The following RUFY1 variants were observed in gnomAD, a reference collection of about 807,000 sequenced individuals.
The protein encoded by RUFY1 is RUN and FYVE domain containing 1.
In RUFY1, 54 loss-of-function variants were observed where a neutral mutation model predicts 94.6. The observed-to-expected ratio is 0.57, with a 90% confidence interval of 0.46 to 0.72. RUFY1 has a LOEUF of 0.72. Ranked by LOEUF, RUFY1 falls within the 30% of genes least tolerant of loss-of-function variation. The pLI is 0.00. For synonymous variants in RUFY1, 396 were observed against 347.3 expected, an observed-to-expected ratio of 1.14 and a Z score of -1.56; for missense variants, 883 against 883.9, an observed-to-expected ratio of 1.00 and a Z score of 0.01.
At chr5:179,566,709 T>C (rs964508885) in intron 3 of RUFY1, among the ~76,000 whole-genome samples, 16 of 151,980 alleles carry the variant, frequency 1.1e-4, no homozygotes, top group African/African-American at 3.9e-4. Context: ...ATGGTTAACA[T>C]GGTAAATTTT....
At chr5:179,584,818 TG>T (rs1764468636) in intron 7 of RUFY1, among the ~76,000 whole-genome samples, 1 of 151,936 alleles carries the variant, frequency 6.6e-6, no homozygotes. Context: ...ATTTTTTAAA[TG>T]GGGAAGGTGT....
At chr5:179,583,506 T>C (rs1164899877) in intron 7 of RUFY1, among the ~76,000 whole-genome samples, 2 of 148,044 alleles carry the variant, frequency 1.4e-5, no homozygotes, top group Non-Finnish European at 3.0e-5. Flanking sequence ...AAGCTCCGCC[T>C]CCCAGGTTCA....
intron 14 of RUFY1, 48 bp from the exon 15 acceptor site, chr5:179,601,830 AAAAAAAAAAAAAAG>A: frequency 9.7e-7 from 1 of 1,027,600 alleles, no homozygotes; most frequent in Non-Finnish European, 1.4e-6. Context: ...AAAAAAAAAA[AAAAAAAAAAAAAAG>A]GACCGTGTAA....
intron 5 of RUFY1, 99 bp downstream of exon 5, chr5:179,569,524 C>T (rs1412589491): frequency 8.1e-7 from 1 of 1,229,276 alleles, no homozygotes; most frequent in Non-Finnish European, 1.2e-6. Flanking sequence ...GGGCAAATGG[C>T]AAAGAGCCCA....
chr5:179,590,579 G>T (rs1764985808), intron 9 of RUFY1, among the ~76,000 whole-genome samples: 1 of 151,306 alleles, frequency 6.6e-6, no homozygotes, highest in African/African-American at 2.4e-5. Context: ...CCGCCTCCCA[G>T]GTTCACGCCA....
chr5:179,553,788 A>G (rs1183618339), intron 1 of RUFY1, among the ~76,000 whole-genome samples: 2 of 152,186 alleles, frequency 1.3e-5, no homozygotes, highest in Admixed American at 6.5e-5. Flanking sequence ...AGACTATCTC[A>G]AAAAATAATA....
intron 9 of RUFY1, among the ~76,000 whole-genome samples, chr5:179,590,412 A>T (rs893674745): frequency 6.6e-6 from 1 of 151,854 alleles, no homozygotes; most frequent in African/African-American, 2.4e-5. Flanking sequence ...TGCTAAAAAC[A>T]TGTTCATAAG....
At chr5:179,564,173 G>A (rs1224770549) in intron 3 of RUFY1, among the ~76,000 whole-genome samples, 2 of 142,892 alleles carry the variant, frequency 1.4e-5, no homozygotes, top group African/African-American at 5.2e-5. Flanking sequence ...AGGCTGGAAT[G>A]CAGTGGCGTG....
chr5:179,579,811 A>G (rs532643534), intron 6 of RUFY1, among the ~76,000 whole-genome samples: 2 of 151,392 alleles, frequency 1.3e-5, no homozygotes, highest in South Asian at 4.2e-4. Context: ...CTGCAGGTGC[A>G]TGCCACCACG....
At chr5:179,583,830 A>T (rs1300139223) in intron 7 of RUFY1, among the ~76,000 whole-genome samples, 1 of 151,510 alleles carries the variant, frequency 6.6e-6, no homozygotes, top group South Asian at 2.1e-4. Context: ...GCTCACTGCA[A>T]GCTTCGCCTC....
At chr5:179,578,417 C>T (rs1473727778) in intron 6 of RUFY1, among the ~76,000 whole-genome samples, 1 of 151,496 alleles carries the variant, frequency 6.6e-6, no homozygotes, top group Non-Finnish European at 1.5e-5. Flanking sequence ...CCGGGTTTCA[C>T]CATATTGGCC....
intron 7 of RUFY1, among the ~76,000 whole-genome samples, chr5:179,583,293 CTG>C (rs926457081): frequency 4.6e-5 from 7 of 151,438 alleles, no homozygotes; most frequent in African/African-American, 1.7e-4. Context: ...GAGTGAGACT[CTG>C]TCTCAAAAAA....
intron 1 of RUFY1, among the ~76,000 whole-genome samples, chr5:179,557,091 T>G (rs1193160694): frequency 6.6e-6 from 1 of 152,164 alleles, no homozygotes; most frequent in African/African-American, 2.4e-5. Flanking sequence ...TTAAGAAAAT[T>G]TCTCAACTGT....
chr5:179,606,388 C>T (rs941288918), intron 16 of RUFY1: 1 of 172,254 alleles, frequency 5.8e-6, no homozygotes, highest in Non-Finnish European at 1.2e-5. Context: ...CAGAATGACA[C>T]ATTCCACCGA....
chr5:179,560,098 C>G lies in RUFY1; in HGVS notation c.384C>G (p.Leu128=), dbSNP rs1762326968. The G allele has an allele frequency of 6.2e-7, 1 of 1,614,040 alleles. No homozygotes were observed. The highest frequency in any genetic ancestry group is 8.5e-7 in the Non-Finnish European group (1 of 1,180,000). The change falls in exon 2 of 18, where the codon CTC becomes CTG. Residue 128 remains leucine (L), a synonymous_variant. Transcript: ENST00000319449. Reference sequence around the variant, plus strand: ...TGAAACTCAGCATCAAGGTGTTGCTCCAGTCGGCTCTGAGCCTGGGCCGCA... The same window carrying G: ...TGAAACTCAGCATCAAGGTGTTGCTGCAGTCGGCTCTGAGCCTGGGCCGCA... ...HMMKLSIKVL[L]QSALSLGRSL...
chr5:179,598,905 C>T, intron 14 of RUFY1, 84 bp downstream of exon 14: 2 of 1,521,738 alleles, frequency 1.3e-6, no homozygotes, highest in South Asian at 2.4e-5. Context: ...CCTCTCCCCG[C>T]ACCCTTTGTG....
chr5:179,607,521 G>C (rs1015335421), intron 16 of RUFY1, 61 bp from the exon 17 acceptor site: 1 of 1,409,792 alleles, frequency 7.1e-7, no homozygotes. Context: ...CCAGAACGCA[G>C]CTACCCACTC....
chr5:179,591,376 G>T (rs1218072768), intron 9 of RUFY1, among the ~76,000 whole-genome samples: 2 of 151,276 alleles, frequency 1.3e-5, no homozygotes, highest in East Asian at 2.0e-4. Context: ...AGTAGAGACG[G>T]GGTTTCACCA....
intron 14 of RUFY1, 83 bp from the exon 15 acceptor site, chr5:179,601,809 C>T: frequency 9.9e-7 from 1 of 1,008,082 alleles, no homozygotes; most frequent in Non-Finnish European, 1.5e-6. Flanking sequence ...CAGAGCAAGA[C>T]CCTGTCTCAA....
Sources: allele counts gnomAD v4.1 joint callset (sites outside exome capture counted in the v4.1 genomes callset), GRCh38; gene constraint gnomAD v4.1.1; transcripts MANE v1.5; gene names NCBI Gene and HGNC (gene_info 2026-07-23, HGNC 2026-07-21).